The following CCDC169 variants were observed in gnomAD, a reference collection of about 807,000 sequenced individuals.
CCDC169 encodes coiled-coil domain-containing protein 169.
CCDC169 carries 30 observed loss-of-function variants against 36.0 expected under a neutral mutation model. The ratio of observed to expected loss-of-function variants is 0.83; its 90% CI spans 0.62 to 1.13. CCDC169 has a LOEUF of 1.13. Among genes scored for constraint, CCDC169 ranks in the 50% most tolerant of loss-of-function variants. The pLI, the probability that CCDC169 is intolerant of heterozygous loss-of-function variation, is 0.00. For synonymous variants in CCDC169, 85 were observed against 81.5 expected (o/e 1.04, Z -0.23); for missense variants, 245 against 245.9 (o/e 1.00, Z 0.03).
chr13:36,289,891 A>T (rs1878666098), intron 2 of CCDC169, among the ~76,000 whole-genome samples: 1 of 152,230 alleles, frequency 6.6e-6, no homozygotes, highest in Admixed American at 6.5e-5. Flanking sequence ...TTCAAAATTG[A>T]AACAAAAATT....
chr13:36,266,319 C>T (rs1875307922), intron 4 of CCDC169, among the ~76,000 whole-genome samples: 1 of 152,140 alleles, frequency 6.6e-6, no homozygotes, highest in Non-Finnish European at 1.5e-5. Flanking sequence ...GAGGCCTCCG[C>T]AGCATCTTCC....
At chr13:36,227,497 CAAA>C, downstream of CCDC169, 3 of 1,104,300 alleles carry the variant, frequency 2.7e-6, no homozygotes, top group Non-Finnish European at 1.2e-6. Flanking sequence ...CACATATACA[CAAA>C]AATAAATAAA....
chr13:36,250,003 C>T (rs1566066764), intron 6 of CCDC169, among the ~76,000 whole-genome samples: 1 of 152,122 alleles, frequency 6.6e-6, no homozygotes, highest in Non-Finnish European at 1.5e-5. Context: ...TATGCTGCCA[C>T]TACATTAAGC....
At chr13:36,229,472 C>A (rs1042194161), downstream of CCDC169, among the ~76,000 whole-genome samples, 1 of 151,444 alleles carries the variant, frequency 6.6e-6, no homozygotes, top group Admixed American at 6.6e-5. Context: ...ATAGTCCCCA[C>A]AATAGCTTAG....
Position 36,283,510 on chromosome 13 carries a change from C to T in CCDC169, c.275-1G>A, listed in dbSNP as rs1173860213. The T allele has an allele frequency of 8.4e-6, 13 of 1,550,770 alleles. No homozygotes were observed. Among genetic ancestry groups the T allele is most frequent in the Non-Finnish European group, 1.1e-5 (13 of 1,146,336 alleles). On this transcript the variant is annotated splice_acceptor_variant, in intron 3 of 7. Coordinates refer to ENST00000239859, the MANE Select transcript of CCDC169 (RefSeq NM_001144981.3). LOFTEE classifies it high-confidence loss of function. ...TAGACACGAATAGAAGATAGTCTAT[C>T]TACAATAAATCAAATATGAGCACTT... is the stretch of plus-strand genomic sequence containing the variant.
At chr13:36,237,628 T>C (rs1254552787) in intron 7 of CCDC169, among the ~76,000 whole-genome samples, 1 of 152,164 alleles carries the variant, frequency 6.6e-6, no homozygotes, top group Non-Finnish European at 1.5e-5. Flanking sequence ...GGAATTCGTA[T>C]ATGTTCCAAC....
chr13:36,230,680 G>T, downstream of CCDC169: 1 of 776,618 alleles, frequency 1.3e-6, no homozygotes, highest in Non-Finnish European at 1.6e-6. Flanking sequence ...TAAGTTCATG[G>T]CAGAGTGGAG....
At chr13:36,281,419 T>C (rs971651178) in intron 4 of CCDC169, among the ~76,000 whole-genome samples, 1 of 151,954 alleles carries the variant, frequency 6.6e-6, no homozygotes, top group African/African-American at 2.4e-5. Context: ...ATATAACGTA[T>C]CTTACCTTCA....
intron 7 of CCDC169, among the ~76,000 whole-genome samples, chr13:36,239,595 T>A (rs1871514714): frequency 6.6e-6 from 1 of 152,230 alleles, no homozygotes; most frequent in African/African-American, 2.4e-5. Flanking sequence ...ATGATAATAG[T>A]TAGTGTTTGT....
chr13:36,276,743 C>G (rs1876876462), intron 4 of CCDC169, among the ~76,000 whole-genome samples: 1 of 152,154 alleles, frequency 6.6e-6, no homozygotes, highest in Admixed American at 6.5e-5. Context: ...CTTTGCAATA[C>G]AATTGACTAC....
chr13:36,258,217 G>T (rs1874162128), intron 4 of CCDC169, among the ~76,000 whole-genome samples: 1 of 152,120 alleles, frequency 6.6e-6, no homozygotes, highest in African/African-American at 2.4e-5. Flanking sequence ...GCCAAATTGG[G>T]TGGGTGCAGG....
intron 7 of CCDC169, among the ~76,000 whole-genome samples, chr13:36,246,278 G>T (rs1872497788): frequency 6.6e-6 from 1 of 152,206 alleles, no homozygotes; most frequent in South Asian, 2.1e-4. Flanking sequence ...TAGGCCTCTT[G>T]TGCCAAACAG....
chr13:36,241,829 C>G (rs931450455), intron 7 of CCDC169, among the ~76,000 whole-genome samples: 1 of 152,144 alleles, frequency 6.6e-6, no homozygotes, highest in African/African-American at 2.4e-5. Context: ...CCTTTGTCCC[C>G]AACCCAAATC....
intron 7 of CCDC169, among the ~76,000 whole-genome samples, chr13:36,239,578 T>C (rs547563137): frequency 8.5e-5 from 13 of 152,336 alleles, no homozygotes; most frequent in Non-Finnish European, 1.8e-4. Flanking sequence ...AGTAAAGCAC[T>C]ATAGTAATGA....
chr13:36,254,645 G>A (rs564379255), intron 4 of CCDC169, among the ~76,000 whole-genome samples: 1 of 152,178 alleles, frequency 6.6e-6, no homozygotes, highest in East Asian at 1.9e-4. Flanking sequence ...GTCATGTATT[G>A]TACTAAGTGT....
Position 36,295,771 on chromosome 13 carries a change from T to C in CCDC169, c.163+7A>G, listed in dbSNP as rs1334132062. ...GGAGTCACAAATATAAGTATTTACT[T>C]ATATACCTTCATTGTCAGTATTGAG... On this transcript the variant is annotated splice_region_variant and intron_variant, in intron 2 of 7. Coordinates refer to ENST00000239859, the MANE Select transcript of CCDC169 (RefSeq NM_001144981.3). 3.4e-6 allele frequency: 5 copies of C among 1,450,602 alleles called. No individual in the cohort carries two copies. The highest frequency in any genetic ancestry group is 3.8e-6 in the Non-Finnish European group (4 of 1,059,278). The allele number at this position is 1,450,602 out of a possible 1,614,324, so 89.9% of individuals were successfully genotyped here. A position where few individuals can be genotyped will look rare whatever the true frequency, so the allele number is the denominator to read the frequency against.
chr13:36,239,298 A>C (rs1871470478), intron 7 of CCDC169, among the ~76,000 whole-genome samples: 1 of 152,164 alleles, frequency 6.6e-6, no homozygotes, highest in Non-Finnish European at 1.5e-5. Flanking sequence ...ACACATAGTA[A>C]GAGAAAATAT....
intron 6 of CCDC169, among the ~76,000 whole-genome samples, chr13:36,249,462 T>A (rs77188988): frequency 6.6e-6 from 1 of 152,222 alleles, no homozygotes; most frequent in South Asian, 2.1e-4. Flanking sequence ...AGTTGCTGTA[T>A]TTGGCTATTA....
chr13:36,293,129 AT>A (rs745541288), intron 2 of CCDC169, among the ~76,000 whole-genome samples: 1 of 152,140 alleles, frequency 6.6e-6, no homozygotes, highest in Non-Finnish European at 1.5e-5. Flanking sequence ...GGGTGAAAAA[AT>A]TATCTGAACA....
Sources: gnomAD v4.1 joint callset for allele counts (sites outside exome capture counted in the v4.1 genomes callset) on GRCh38, gnomAD v4.1.1 for gene constraint, MANE v1.5 for transcripts, NCBI Gene and HGNC (gene_info 2026-07-23, HGNC 2026-07-21) for gene names.